SYT9: variants seen among roughly 807,000 people sequenced by gnomAD.
SYT9 encodes the protein synaptotagmin-9.
A neutral mutation model predicts 48.4 loss-of-function variants in SYT9; 22 were observed. The ratio of observed to expected loss-of-function variants is 0.45; its 90% CI spans 0.32 to 0.65. The LOEUF is 0.65. Among genes scored for constraint, SYT9 ranks in the 30% least tolerant of loss-of-function variants. SYT9 has a pLI of 0.03. For synonymous variants in SYT9, 265 were observed against 245.0 expected, an observed-to-expected ratio of 1.08 and a Z score of -0.76; for missense variants, 577 against 622.0, an observed-to-expected ratio of 0.93 and a Z score of 0.77.
chr11:7,339,886 A>G (rs1264139145), intron 3 of SYT9, among the ~76,000 whole-genome samples: 1 of 152,210 alleles, frequency 6.6e-6, no homozygotes, highest in Non-Finnish European at 1.5e-5. Flanking sequence ...TGTTTTCTGA[A>G]TTTGACTGTT....
chr11:7,248,263 C>A (rs1416983707), upstream of SYT9, among the ~76,000 whole-genome samples: 2 of 151,364 alleles, frequency 1.3e-5, no homozygotes, highest in Non-Finnish European at 2.9e-5. Context: ...GATTTTTCTC[C>A]CACTCTGTGA....
At chr11:7,364,050 A>G (rs901708285) in intron 3 of SYT9, among the ~76,000 whole-genome samples, 8 of 152,226 alleles carry the variant, frequency 5.3e-5, no homozygotes, top group Admixed American at 6.5e-5. Context: ...ATGTTTAAAT[A>G]TTAATACAGA....
At chr11:7,359,940 G>A (rs1227763950) in intron 3 of SYT9, among the ~76,000 whole-genome samples, 4 of 151,900 alleles carry the variant, frequency 2.6e-5, no homozygotes, top group Non-Finnish European at 5.9e-5. Flanking sequence ...CCTATGTCCT[G>A]AATGGTAATG....
chr11:7,455,970 C>T (rs1413346867), intron 6 of SYT9, among the ~76,000 whole-genome samples: 3 of 152,290 alleles, frequency 2.0e-5, no homozygotes, highest in Non-Finnish European at 4.4e-5. Flanking sequence ...CTACATAATC[C>T]TCAGGGTTCA....
At chr11:7,415,883 T>G (rs1847236936) in intron 3 of SYT9, among the ~76,000 whole-genome samples, 159 bp from the exon 4 acceptor site, 2 of 152,182 alleles carry the variant, frequency 1.3e-5, no homozygotes, top group South Asian at 4.1e-4. Context: ...AGGGATTTAT[T>G]ATTCTCCCTG....
At chr11:7,324,412 T>C (rs1849390344) in intron 3 of SYT9, among the ~76,000 whole-genome samples, 1 of 151,898 alleles carries the variant, frequency 6.6e-6, no homozygotes, top group Non-Finnish European at 1.5e-5. Flanking sequence ...TTATTTTTCC[T>C]GTATGATTTT....
chr11:7,449,057 A>G (rs1367556502), intron 6 of SYT9, among the ~76,000 whole-genome samples: 1 of 152,126 alleles, frequency 6.6e-6, no homozygotes, highest in Non-Finnish European at 1.5e-5. Context: ...TCAAGGAGCA[A>G]AAGAGGTCAG....
intron 1 of SYT9, among the ~76,000 whole-genome samples, chr11:7,287,367 G>A (rs564702328): frequency 6.6e-6 from 1 of 152,256 alleles, no homozygotes; most frequent in South Asian, 2.1e-4. Flanking sequence ...TGGGGATTAT[G>A]GGAACTACAA....
intron 3 of SYT9, among the ~76,000 whole-genome samples, chr11:7,406,535 C>CATATATATATAT (rs57371051): frequency 1.7e-4 from 23 of 135,346 alleles, no homozygotes; most frequent in African/African-American, 3.6e-4. Flanking sequence ...TTCAATTGCG[C>CATATATATATAT]ATATATATAT....
intron 3 of SYT9, among the ~76,000 whole-genome samples, chr11:7,363,265 T>A (rs1368385760): frequency 1.3e-5 from 2 of 152,182 alleles, no homozygotes; most frequent in African/African-American, 4.8e-5. Flanking sequence ...ACAACTAGCC[T>A]ACATTTTCCT....
At chr11:7,343,143 A>G (rs1237192569) in intron 3 of SYT9, among the ~76,000 whole-genome samples, 1 of 152,198 alleles carries the variant, frequency 6.6e-6, no homozygotes, top group Non-Finnish European at 1.5e-5. Flanking sequence ...GGTCTCTGAC[A>G]TGTCCTGGAG....
intron 3 of SYT9, among the ~76,000 whole-genome samples, chr11:7,325,519 C>T (rs1324111653): frequency 2.4e-5 from 1 of 41,374 alleles, no homozygotes; most frequent in African/African-American, 1.1e-4. Flanking sequence ...TGGGCTGAGA[C>T]GATGGGGTTT....
chr11:7,335,070 G>T (rs1224891458), intron 3 of SYT9, among the ~76,000 whole-genome samples: 4 of 152,136 alleles, frequency 2.6e-5, no homozygotes, highest in Non-Finnish European at 5.9e-5. Flanking sequence ...CAAAATGATT[G>T]TATCATTTTA....
rs144229133 is a variant in SYT9 at position 7,396,255 on chromosome 11, G to A, written c.1045-19787G>A. ...CTCCTACTCCTGGTCTCCTGCATCCGCCAATCACTTTATCTCGCTGTATTT... is the reference window on the plus strand; with the variant it reads ...CTCCTACTCCTGGTCTCCTGCATCCACCAATCACTTTATCTCGCTGTATTT... On this transcript the variant is annotated intron_variant, in intron 3 of 6. Coordinates refer to ENST00000318881, the MANE Select transcript of SYT9 (RefSeq NM_175733.4). 2.2e-4 allele frequency among the ~76,000 whole-genome samples: 34 copies of A among 152,030 alleles called. No homozygotes were observed. The Middle Eastern group carries it at 0.014, about 61-fold the overall frequency.
chr11:7,338,882 G>T (rs1349548536), intron 3 of SYT9, among the ~76,000 whole-genome samples: 1 of 152,082 alleles, frequency 6.6e-6, no homozygotes, highest in East Asian at 1.9e-4. Context: ...TTGAGTTCAG[G>T]TTCTGAATAT....
chr11:7,419,161 C>G (rs1206901192), intron 5 of SYT9, among the ~76,000 whole-genome samples: 1 of 152,236 alleles, frequency 6.6e-6, no homozygotes, highest in Non-Finnish European at 1.5e-5. Context: ...CAGTGTCAGG[C>G]CCCAGTAGGG....
At chr11:7,402,368 C>A (rs1169374930) in intron 3 of SYT9, among the ~76,000 whole-genome samples, 2 of 151,924 alleles carry the variant, frequency 1.3e-5, no homozygotes, top group African/African-American at 4.8e-5. Flanking sequence ...TTGTTCACGT[C>A]TTTTATATTC....
chr11:7,448,510 T>C (rs922293659), intron 6 of SYT9, among the ~76,000 whole-genome samples: 50 of 152,362 alleles, frequency 3.3e-4, no homozygotes, highest in Non-Finnish European at 1.9e-4. Flanking sequence ...CAGCATCTGC[T>C]GTGAGTGTGC....
chr11:7,321,324 G>A (rs1180780663), intron 3 of SYT9, among the ~76,000 whole-genome samples: 4 of 17,800 alleles, frequency 2.2e-4, no homozygotes, highest in East Asian at 0.5. Context: ...CCAAAGGCCT[G>A]AGGCCACTCG....
Sources: allele counts gnomAD v4.1 joint callset (sites outside exome capture counted in the v4.1 genomes callset), GRCh38; gene constraint gnomAD v4.1.1; transcripts MANE v1.5; gene names NCBI Gene and HGNC (gene_info 2026-07-23, HGNC 2026-07-21).